LNX2: variants seen among roughly 807,000 people sequenced by gnomAD.
The protein encoded by LNX2 is ligand of numb-protein X 2.
In LNX2, 35 loss-of-function variants were observed where a neutral mutation model predicts 66.2. That is an observed-to-expected ratio of 0.53 (90% CI 0.40 to 0.70). The LOEUF is 0.70. LNX2 is among the 30% of genes least tolerant of loss of function. LNX2 has a pLI of 0.00. For synonymous variants in LNX2, 337 were observed against 315.6 expected, an observed-to-expected ratio of 1.07 and a Z score of -0.72; for missense variants, 791 against 850.8, an observed-to-expected ratio of 0.93 and a Z score of 0.87.
At chr13:27,587,293 C>G (rs79961327) in intron 1 of LNX2, among the ~76,000 whole-genome samples, 135 of 152,262 alleles carry the variant, frequency 8.9e-4, no homozygotes, top group Middle Eastern at 3.4e-3. Flanking sequence ...GCGCTCCCCC[C>G]CTTCCCTTCT....
chr13:27,560,909 C>A (rs896036119), intron 5 of LNX2, among the ~76,000 whole-genome samples: 1 of 152,004 alleles, frequency 6.6e-6, no homozygotes, highest in African/African-American at 2.4e-5. Context: ...ACTTTATTTT[C>A]AAATCTTACA....
Position 27,562,722 on chromosome 13 carries a change from C to T in LNX2, c.915G>A (p.Gln305=). 6.2e-7 allele frequency: 1 copy of T among 1,614,062 alleles called. No homozygotes were observed. The highest frequency in any genetic ancestry group is 1.1e-5 in the South Asian group (1 of 91,084). Residue 305 remains glutamine, a synonymous_variant, in exon 5 of 10, where the codon CAG becomes CAA. Coordinates refer to ENST00000316334, the MANE Select transcript of LNX2 (RefSeq NM_153371.4). ...SHNYARAVLS[Q]PCNTLHLTVL... ...CAGTAAGATGCAGTGTGTTGCAGGG[C>T]TGGGAAAGGACAGCTCGGGCATAGT...
chr13:27,604,863 T>TC (rs1326603720), intron 1 of LNX2, among the ~76,000 whole-genome samples: 1 of 151,530 alleles, frequency 6.6e-6, no homozygotes, highest in Non-Finnish European at 1.5e-5. Flanking sequence ...TAATTTTTTT[T>TC]TTTTTTTGCC....
chr13:27,572,633 C>T (rs77347851), intron 2 of LNX2, among the ~76,000 whole-genome samples: 52 of 152,312 alleles, frequency 3.4e-4, no homozygotes, highest in African/African-American at 1.2e-3. Flanking sequence ...TCTGGCTCTC[C>T]TCCTAAGGGA....
intron 1 of LNX2, among the ~76,000 whole-genome samples, chr13:27,613,511 C>A (rs1260336159): frequency 6.6e-6 from 1 of 152,228 alleles, no homozygotes; most frequent in African/African-American, 2.4e-5. Context: ...GTGGCTCATG[C>A]CTGTAATCCC....
intron 1 of LNX2, among the ~76,000 whole-genome samples, chr13:27,608,478 T>C (rs945181821): frequency 6.6e-6 from 1 of 152,160 alleles, no homozygotes; most frequent in Non-Finnish European, 1.5e-5. Context: ...TTATTCTCTT[T>C]GCATAGTTTA....
intron 2 of LNX2, among the ~76,000 whole-genome samples, chr13:27,577,868 G>A (rs1044317265): frequency 1.3e-5 from 2 of 152,178 alleles, no homozygotes; most frequent in South Asian, 4.1e-4. Flanking sequence ...GTGGTAGAGC[G>A]TAGGAGGAAT....
intron 7 of LNX2, among the ~76,000 whole-genome samples, chr13:27,553,873 C>A (rs1270914714): frequency 6.6e-6 from 1 of 152,116 alleles, no homozygotes; most frequent in Non-Finnish European, 1.5e-5. Flanking sequence ...CAGTTCTATA[C>A]ATAAGGACAG....
intron 2 of LNX2, among the ~76,000 whole-genome samples, chr13:27,570,490 C>A (rs1487935051): frequency 1.3e-5 from 2 of 151,954 alleles, no homozygotes; most frequent in Non-Finnish European, 2.9e-5. Context: ...CTTTATTCAC[C>A]TTTCTCTCAT....
In LNX2 at chr13:27,581,282, A is replaced by C; in HGVS notation, c.407+15T>G. 6.8e-7 allele frequency: 1 copy of C among 1,462,160 alleles called. No individual in the cohort carries two copies. The highest frequency in any genetic ancestry group is 9.1e-7 in the Non-Finnish European group (1 of 1,103,552). The allele number at this position is 1,462,160 out of a possible 1,614,324, so 90.6% of individuals were successfully genotyped here. Reference sequence around the variant, plus strand: ...TCCAAAATCTGGAGTTACTTCTTTTATATTTTTTGCTTACCTGTTTTTGAG... The same window carrying C: ...TCCAAAATCTGGAGTTACTTCTTTTCTATTTTTTGCTTACCTGTTTTTGAG... On this transcript the variant is annotated intron_variant, in intron 2 of 9. Coordinates refer to ENST00000316334, the MANE Select transcript of LNX2 (RefSeq NM_153371.4).
intron 2 of LNX2, among the ~76,000 whole-genome samples, chr13:27,577,688 T>C (rs575742175): frequency 2.0e-5 from 3 of 152,202 alleles, no homozygotes; most frequent in Non-Finnish European, 2.9e-5. Flanking sequence ...AGGTTTTCTA[T>C]TGTAAACTTT....
At chr13:27,601,022 A>G (rs754139752) in intron 1 of LNX2, among the ~76,000 whole-genome samples, 1 of 152,270 alleles carries the variant, frequency 6.6e-6, no homozygotes, top group Non-Finnish European at 1.5e-5. Context: ...ACAACCCGGA[A>G]GAGTCTTATA....
intron 1 of LNX2, among the ~76,000 whole-genome samples, chr13:27,589,218 C>A (rs1955524185): frequency 6.6e-6 from 1 of 152,216 alleles, no homozygotes; most frequent in Non-Finnish European, 1.5e-5. Flanking sequence ...GTTCTTTCCC[C>A]AGAGCCTCTT....
At chr13:27,552,076 A>G (rs930950812) in intron 8 of LNX2, among the ~76,000 whole-genome samples, 2 of 152,150 alleles carry the variant, frequency 1.3e-5, no homozygotes, top group African/African-American at 4.8e-5. Flanking sequence ...TCAAAAACAG[A>G]TTTTACTATA....
Position 27,583,232 on chromosome 13 carries a change from GTGTGTGTGTGTGTGTGTGT to G in LNX2, c.-100-1448_-100-1430del. Among the ~76,000 whole-genome samples the G allele has an allele frequency of 8.6e-5, 2 of 23,186 alleles. 1 individual carries two copies. Among genetic ancestry groups the G allele is most frequent in the East Asian group, 2.3e-3 (2 of 864 alleles). The allele number at this position is 23,186 out of a possible 152,430, so 15.2% of individuals were successfully genotyped here. A position where few individuals can be genotyped will look rare whatever the true frequency, so the allele number is the denominator to read the frequency against. On this transcript the variant is annotated intron_variant, in intron 1 of 9. Coordinates refer to ENST00000316334, the MANE Select transcript of LNX2 (RefSeq NM_153371.4). Reference sequence around the variant, plus strand: ...TGTGTGTGTGTGTGTGTGTGTGTGTGTGTGTGTGTGTGTGTGTGTGTGTGCGCGCGTCCTCTCCAACATA... The same window carrying G: ...TGTGTGTGTGTGTGTGTGTGTGTGTGGTGTGCGCGCGTCCTCTCCAACATA...
chr13:27,563,829 A>T (rs924439742), intron 4 of LNX2, among the ~76,000 whole-genome samples: 1 of 152,142 alleles, frequency 6.6e-6, no homozygotes, highest in Non-Finnish European at 1.5e-5. Context: ...GTTGATTTTG[A>T]CCTATTAACA....
intron 8 of LNX2, among the ~76,000 whole-genome samples, chr13:27,550,950 A>T (rs1424410952): frequency 6.6e-6 from 1 of 152,210 alleles, no homozygotes; most frequent in Non-Finnish European, 1.5e-5. Context: ...CAGCTTCCGA[A>T]AAGAAGGCAG....
At chr13:27,613,916 C>A (rs1157862502) in intron 1 of LNX2, among the ~76,000 whole-genome samples, 1 of 152,214 alleles carries the variant, frequency 6.6e-6, no homozygotes, top group Non-Finnish European at 1.5e-5. Context: ...CCCAGCACTT[C>A]TTAGGTACTT....
rs71083675 is a variant in LNX2 at position 27,560,565 on chromosome 13, GTATATATA to G, written c.1225-588_1225-581del. 1.5e-3 allele frequency among the ~76,000 whole-genome samples: 175 copies of G among 120,012 alleles called. 3 individuals carry two copies. The highest frequency in any genetic ancestry group is 5.6e-3 in the African/African-American group (167 of 30,026). 78.7% of individuals were successfully genotyped at this position (120,012 alleles called of 152,430 possible). A position where few individuals can be genotyped will look rare whatever the true frequency, so the allele number is the denominator to read the frequency against. ...ATAACAAGACTTTATATGTATGTGT[GTATATATA>G]TATATATATATAGCATACTTGTGTG... On this transcript the variant is annotated intron_variant, in intron 5 of 9. Coordinates refer to ENST00000316334, the MANE Select transcript of LNX2 (RefSeq NM_153371.4).
Sources: gnomAD v4.1 joint callset for allele counts (sites outside exome capture counted in the v4.1 genomes callset) on GRCh38, gnomAD v4.1.1 for gene constraint, MANE v1.5 for transcripts, NCBI Gene and HGNC (gene_info 2026-07-23, HGNC 2026-07-21) for gene names.